Variants in TRPC7 observed in about 807,000 individuals in gnomAD.
The protein encoded by TRPC7 is short transient receptor potential channel 7.
In TRPC7, 42 loss-of-function variants were observed where a neutral mutation model predicts 90.1. That is an observed-to-expected ratio of 0.47 (90% CI 0.36 to 0.60). The LOEUF is 0.60. Ranked by LOEUF, TRPC7 falls within the 20% of genes least tolerant of loss-of-function variation. The pLI is 0.00. For synonymous variants in TRPC7, 451 were observed against 436.3 expected (o/e 1.03, Z -0.42); for missense variants, 955 against 1,112.3 (o/e 0.86, Z 2.01).
intron 7 of TRPC7, among the ~76,000 whole-genome samples, chr5:136,245,938 A>G (rs1411662834): frequency 6.6e-6 from 1 of 152,112 alleles, no homozygotes; most frequent in Admixed American, 6.5e-5. Flanking sequence ...AAGTATATTC[A>G]GGTCTTCCAC....
chr5:136,268,412 G>C (rs1475391513), intron 4 of TRPC7, among the ~76,000 whole-genome samples: 1 of 152,124 alleles, frequency 6.6e-6, no homozygotes, highest in Non-Finnish European at 1.5e-5. Context: ...AAAAAGCTGG[G>C]GAACTCTGAG....
At position 136,331,786 on chromosome 5, in the gene TRPC7, A is replaced by C. The variant is rs79606994; in HGVS notation, c.781-16007T>G. Among the ~76,000 whole-genome samples the C allele has an allele frequency of 2.0e-3, 298 of 152,264 alleles. 2 individuals carry two copies. The highest frequency in any genetic ancestry group is 6.5e-3 in the African/African-American group (271 of 41,554). Reference sequence around the variant, plus strand: ...TCACCCAAGGGGGAGATAACACACAAGTCAGTCATTTCAGTATTCCCTAGT... The same window carrying C: ...TCACCCAAGGGGGAGATAACACACACGTCAGTCATTTCAGTATTCCCTAGT... On this transcript the variant is annotated intron_variant, in intron 2 of 11. Coordinates refer to ENST00000513104, the MANE Select transcript of TRPC7 (RefSeq NM_020389.3).
chr5:136,316,853 C>T (rs1366836598), intron 2 of TRPC7, among the ~76,000 whole-genome samples: 5 of 152,168 alleles, frequency 3.3e-5, no homozygotes, highest in Non-Finnish European at 5.9e-5. Flanking sequence ...TAATCAATGT[C>T]AACAACCCTC....
intron 2 of TRPC7, among the ~76,000 whole-genome samples, chr5:136,351,452 G>A (rs1345829145): frequency 3.9e-5 from 6 of 152,158 alleles, no homozygotes; most frequent in Admixed American, 3.9e-4. Flanking sequence ...CCAGGGTGTT[G>A]GACTATAACA....
Position 136,274,822 on chromosome 5 carries a change from T to G in TRPC7, c.979A>C (p.Asn327His). 6.4e-7 allele frequency: 1 copy of G among 1,570,678 alleles called. No homozygotes were observed. The highest frequency in any genetic ancestry group is 8.6e-7 in the Non-Finnish European group (1 of 1,157,946). Residue 327 changes from asparagine (N) to histidine (H), a missense_variant, in exon 4 of 12, where the codon AAC (asparagine) becomes CAC (histidine). This residue lies in a region of TRPC7 where 484 missense variants were observed against 509.6 expected (regional missense o/e 0.95). Transcript: ENST00000513104. The part of the protein sequence containing the change: ...YEVKKFVAHP[N>H]CQQQLLTMWY... ...ATGGTAAGCAATTGCTGCTGACAGT[T>G]AGGATGAGCAACGAACTGTAAAAAC...
chr5:136,228,191 T>C (rs2149795870), intron 8 of TRPC7, among the ~76,000 whole-genome samples: 1 of 151,956 alleles, frequency 6.6e-6, no homozygotes, highest in South Asian at 2.1e-4. Context: ...AGGGTCTAGG[T>C]GCTGAGGCCA....
intron 4 of TRPC7, among the ~76,000 whole-genome samples, chr5:136,266,779 A>G (rs1432510279): frequency 1.3e-5 from 2 of 152,224 alleles, no homozygotes; most frequent in Non-Finnish European, 2.9e-5. Flanking sequence ...CAATTTTAAA[A>G]AATGCACTTT....
rs1756372409 is a variant in TRPC7, at chr5:136,247,308, A to T, written c.1844+163T>A. 6.6e-6 allele frequency among the ~76,000 whole-genome samples: 1 copy of T among 152,008 alleles called. No individual in the cohort carries two copies. Among genetic ancestry groups the T allele is most frequent in the East Asian group, 1.9e-4 (1 of 5,180 alleles). On this transcript the variant is annotated intron_variant, in intron 7 of 11. Transcript: ENST00000513104. This position sits in a 1 kb window ranked among gnomAD's most constrained non-coding sequence, Gnocchi z 4.2. Reference sequence around the variant, plus strand: ...AGGATTTAACTCAACTCATCTGTTCAACTCCAGAACCTGAACTCTAAACCA... The same window carrying T: ...AGGATTTAACTCAACTCATCTGTTCTACTCCAGAACCTGAACTCTAAACCA...
chr5:136,214,951 AC>A (rs1191373339), intron 11 of TRPC7, among the ~76,000 whole-genome samples: 3 of 152,190 alleles, frequency 2.0e-5, no homozygotes, highest in Non-Finnish European at 4.4e-5. Context: ...AGACTGGAAA[AC>A]AACCCAAACA....
chr5:136,313,990 A>G (rs1758925566), intron 3 of TRPC7, among the ~76,000 whole-genome samples: 1 of 152,244 alleles, frequency 6.6e-6, no homozygotes, highest in Non-Finnish European at 1.5e-5. Context: ...CTAACTGAGT[A>G]ACTCCAGCCT....
chr5:136,269,238 G>A (rs1757126964), intron 4 of TRPC7, among the ~76,000 whole-genome samples: 1 of 152,192 alleles, frequency 6.6e-6, no homozygotes, highest in Non-Finnish European at 1.5e-5. Context: ...GGAAATTAAA[G>A]CTTGTAGAAC....
intron 10 of TRPC7, among the ~76,000 whole-genome samples, chr5:136,224,835 C>A (rs1420490891): frequency 6.6e-6 from 1 of 152,256 alleles, no homozygotes. Context: ...TGCCACCCTT[C>A]TCTTCCTCTG....
intron 2 of TRPC7, among the ~76,000 whole-genome samples, chr5:136,339,460 T>C: frequency 6.6e-6 from 1 of 152,242 alleles, no homozygotes; most frequent in East Asian, 1.9e-4. Flanking sequence ...AGGTGTCATG[T>C]AACTGGAGGT....
intron 7 of TRPC7, among the ~76,000 whole-genome samples, chr5:136,245,566 A>C (rs1756311024): frequency 6.6e-6 from 1 of 152,120 alleles, no homozygotes; most frequent in Non-Finnish European, 1.5e-5. Context: ...CTAGCTGGAA[A>C]ACTGACATTC....
chr5:136,225,134 A>T (rs1409033023), intron 10 of TRPC7, 140 bp downstream of exon 10: 1 of 761,524 alleles, frequency 1.3e-6, no homozygotes, highest in African/African-American at 1.8e-5. Flanking sequence ...GACATATAGT[A>T]AGTACTCAAT....
intron 2 of TRPC7, among the ~76,000 whole-genome samples, chr5:136,332,058 T>C (rs1243505240): frequency 1.3e-5 from 2 of 151,750 alleles, no homozygotes; most frequent in East Asian, 3.9e-4. Context: ...TGAGAGAGAG[T>C]GCTATTTTAT....
Position 136,226,151 on chromosome 5 carries a change from A to G in TRPC7, c.2145T>C (p.Pro715=), listed in dbSNP as rs1238488564. The G allele has an allele frequency of 6.4e-7, 1 of 1,572,756 alleles. No homozygotes were observed. Among genetic ancestry groups the G allele is most frequent in the Non-Finnish European group, 8.6e-7 (1 of 1,156,898 alleles). Residue 715 remains proline, a synonymous_variant, in exon 9 of 12, where the codon CCT becomes CCC. Transcript: ENST00000513104. The part of the protein sequence containing the change: ...LPAPFNLVPS[P]KSFYYLIMRI... ...TCATTATGAGATAATAAAATGATTTAGGACTTGGCACTAGATTAAAAGGAG... is the reference window on the plus strand; with the variant it reads ...TCATTATGAGATAATAAAATGATTTGGGACTTGGCACTAGATTAAAAGGAG...
chr5:136,308,457 TA>T (rs1758717719), intron 3 of TRPC7, among the ~76,000 whole-genome samples: 1 of 152,190 alleles, frequency 6.6e-6, no homozygotes, highest in African/African-American at 2.4e-5. Flanking sequence ...GAGCATCTGT[TA>T]AAACGATGCC....
intron 3 of TRPC7, among the ~76,000 whole-genome samples, chr5:136,280,681 G>A (rs1267681323): frequency 1.3e-5 from 2 of 152,122 alleles, no homozygotes; most frequent in Non-Finnish European, 2.9e-5. Context: ...TAAGGTTTGA[G>A]GATTATCTCT....
Sources: gnomAD v4.1 joint callset for allele counts (sites outside exome capture counted in the v4.1 genomes callset) on GRCh38, gnomAD v4.1.1 for gene constraint, gnomAD v4.1.1 regional missense constraint, Gnocchi (gnomAD v3.1) non-coding constraint, MANE v1.5 for transcripts, NCBI Gene and HGNC (gene_info 2026-07-23, HGNC 2026-07-21) for gene names.